Variants in CTSH observed in about 807,000 individuals in gnomAD.
CTSH encodes pro-cathepsin H.
In CTSH, 52 loss-of-function variants were observed where a neutral mutation model predicts 56.3. The observed-to-expected ratio is 0.92, with a 90% CI of 0.74 to 1.16. The LOEUF is 1.16. CTSH is among the 50% of genes most tolerant of loss of function. The probability of loss-of-function intolerance (pLI) is 0.00; values close to 1 mark genes in which losing one functional copy is unlikely to be tolerated. For synonymous variants in CTSH, 174 were observed against 155.7 expected, an observed-to-expected ratio of 1.12 and a Z score of -0.88; for missense variants, 406 against 424.5, an observed-to-expected ratio of 0.96 and a Z score of 0.38.
chr15:78,934,195 T>C (rs1441798424), intron 5 of CTSH, among the ~76,000 whole-genome samples: 1 of 152,218 alleles, frequency 6.6e-6, no homozygotes, highest in Non-Finnish European at 1.5e-5. Flanking sequence ...CGGGAGGCTT[T>C]AAAGCTGTGC....
Position 78,943,836 on chromosome 15 carries a change from C to T in CTSH, c.91+1055G>A, listed in dbSNP as rs996760170. 5.9e-5 allele frequency among the ~76,000 whole-genome samples: 9 copies of T among 152,386 alleles called. No homozygotes were observed. The East Asian group carries it at 1.2e-3, about 20-fold the overall frequency. ...CTCTGGAATTCAGACAGCCTCTCAG[C>T]GCCAGCCTTCTCCAGGCAGCCCTCG... is the stretch of plus-strand genomic sequence containing the variant. On this transcript the variant is annotated intron_variant, in intron 1 of 11. Transcript: ENST00000220166.
intron 9 of CTSH, 141 bp from the exon 10 acceptor site, chr15:78,925,581 C>T: frequency 1.7e-6 from 1 of 602,484 alleles, no homozygotes; most frequent in Non-Finnish European, 3.0e-6. Context: ...CGGCCTCTCT[C>T]CCTTCCTGTC....
chr15:78,925,177 CTG>C (rs945716894), intron 10 of CTSH, among the ~76,000 whole-genome samples, 155 bp downstream of exon 10: 8 of 152,300 alleles, frequency 5.3e-5, no homozygotes, highest in African/African-American at 1.9e-4. Flanking sequence ...TGAGGATTAA[CTG>C]AGGGATGTGC....
intron 8 of CTSH, among the ~76,000 whole-genome samples, chr15:78,928,263 C>T (rs931571063): frequency 2.0e-5 from 3 of 151,900 alleles, no homozygotes; most frequent in Non-Finnish European, 2.9e-5. Context: ...TGGGCCTGGG[C>T]GTGAGGTTAA....
At chr15:78,935,260 G>T (rs999829312) in intron 4 of CTSH, among the ~76,000 whole-genome samples, 178 bp from the exon 5 acceptor site, 1 of 152,172 alleles carries the variant, frequency 6.6e-6, no homozygotes, top group African/African-American at 2.4e-5. Context: ...ATGTCCCCTT[G>T]AGAGTCCAGA....
At chr15:78,943,304 G>C (rs1044251714) in intron 1 of CTSH, among the ~76,000 whole-genome samples, 2 of 152,058 alleles carry the variant, frequency 1.3e-5, no homozygotes, top group Admixed American at 1.3e-4. Context: ...ACCCAGGCTG[G>C]AGTGATCGCC....
At chr15:78,931,121 T>C (rs760299984) in intron 7 of CTSH, among the ~76,000 whole-genome samples, 1 of 91,582 alleles carries the variant, frequency 1.1e-5, no homozygotes, top group South Asian at 3.1e-4. Context: ...GTTTGGAGGA[T>C]GATGTGTAAT....
chr15:78,931,980 T>C, intron 6 of CTSH: 1 of 1,150,056 alleles, frequency 8.7e-7, no homozygotes, highest in Non-Finnish European at 1.1e-6. Flanking sequence ...CATCCGTCTC[T>C]TGTGGGCGAG....
At position 78,932,552 on chromosome 15, in the gene CTSH, T is replaced by C. The variant is rs145972845; in HGVS notation, c.406-94A>G. The C allele has an allele frequency of 1.6e-3, 1,477 of 915,904 alleles. 10 individuals are homozygous for C. The highest frequency in any genetic ancestry group is 0.012 in the African/African-American group (735 of 60,918). The allele number at this position is 915,904 out of a possible 1,614,324, so 56.7% of individuals were successfully genotyped here. ...CTTCCTCTGCTGACCCTGCCAGAGC[T>C]CCCGAGTCCCCAGGTGCCTTGGCAG... On this transcript the variant is annotated intron_variant, in intron 5 of 11. Coordinates refer to ENST00000220166, the MANE Select transcript of CTSH (RefSeq NM_004390.5).
At chr15:78,930,803 C>G (rs2055041796) in intron 7 of CTSH, among the ~76,000 whole-genome samples, 1 of 152,098 alleles carries the variant, frequency 6.6e-6, no homozygotes, top group Non-Finnish European at 1.5e-5. Flanking sequence ...GAGGGATGTG[C>G]CCCAGGGAGG....
chr15:78,933,959 G>C (rs2055119956), intron 5 of CTSH, among the ~76,000 whole-genome samples: 1 of 152,170 alleles, frequency 6.6e-6, no homozygotes, highest in South Asian at 2.1e-4. Context: ...TTAACAGGAG[G>C]ACTTGGAAAA....
chr15:78,927,472 A>C, intron 9 of CTSH: 1 of 563,730 alleles, frequency 1.8e-6, no homozygotes. Flanking sequence ...GAACCAAAAG[A>C]ATGAAGGCAT....
chr15:78,926,109 G>A (rs1453624051), intron 9 of CTSH: 2 of 152,512 alleles, frequency 1.3e-5, no homozygotes, highest in Non-Finnish European at 2.9e-5. Flanking sequence ...TTCTGGGTTG[G>A]GGGTGGCTGG....
At chr15:78,924,038 G>A (rs2054836889) in intron 10 of CTSH, among the ~76,000 whole-genome samples, 1 of 146,658 alleles carries the variant, frequency 6.8e-6, no homozygotes, top group South Asian at 2.3e-4. Context: ...AGTGGCCTGA[G>A]GGCTCTGACA....
intron 4 of CTSH, among the ~76,000 whole-genome samples, chr15:78,935,461 C>G (rs2055155692): frequency 6.6e-6 from 1 of 152,172 alleles, no homozygotes; most frequent in South Asian, 2.1e-4. Flanking sequence ...ATATTTTAAT[C>G]TGGTAGCCCT....
chr15:78,931,620 C>A, intron 6 of CTSH, 114 bp from the exon 7 acceptor site: 1 of 1,569,850 alleles, frequency 6.4e-7, no homozygotes, highest in Non-Finnish European at 8.6e-7. Context: ...AGTGCTGTGT[C>A]AAGGTGACCA....
Position 78,929,315 on chromosome 15 carries a change from G to C in CTSH, c.630+97C>G, listed in dbSNP as rs1033852311. 1.0e-5 allele frequency: 9 copies of C among 903,214 alleles called. No homozygotes were observed. In the African/African-American group the frequency reaches 1.2e-4, roughly 12 times the overall value. 55.9% of individuals were successfully genotyped at this position (903,214 alleles called of 1,614,324 possible). A position where few individuals can be genotyped will look rare whatever the true frequency, so the allele number is the denominator to read the frequency against. On this transcript the variant is annotated intron_variant, in intron 8 of 11. Coordinates refer to ENST00000220166, the MANE Select transcript of CTSH (RefSeq NM_004390.5). ...CAATTGTGAGAATTCCGGCGGGAGG[G>C]AGGTGGGGGGAGAAGGGATGTCTTC... is the stretch of plus-strand genomic sequence containing the variant.
At chr15:78,936,180 CTTTTTTTTTTT>C (rs66819363) in intron 3 of CTSH, among the ~76,000 whole-genome samples, 2 of 90,866 alleles carry the variant, frequency 2.2e-5, no homozygotes, top group African/African-American at 7.6e-5. Context: ...CTTTTCTTTT[CTTTTTTTTTTT>C]TTTTTTTTTG....
Position 78,931,881 on chromosome 15 carries a change from C to T in CTSH, c.493-375G>A. 1.1e-5 allele frequency: 14 copies of T among 1,230,348 alleles called. No individual in the cohort carries two copies. In the South Asian group the frequency reaches 2.5e-4, roughly 22 times the overall value. The allele number at this position is 1,230,348 out of a possible 1,614,324, so 76.2% of individuals were successfully genotyped here. On this transcript the variant is annotated intron_variant, in intron 6 of 11. Transcript: ENST00000220166. Reference sequence around the variant, plus strand: ...ACCCTACCCCCACCTGTCCACAACCCAGGGTCCTCATGGCATCACCAGGCC... The same window carrying T: ...ACCCTACCCCCACCTGTCCACAACCTAGGGTCCTCATGGCATCACCAGGCC...
Sources: allele counts gnomAD v4.1 joint callset (sites outside exome capture counted in the v4.1 genomes callset), GRCh38; gene constraint gnomAD v4.1.1; transcripts MANE v1.5; gene names NCBI Gene and HGNC (gene_info 2026-07-23, HGNC 2026-07-21).